Variants in CADM2 observed in about 807,000 individuals in gnomAD.
CADM2 encodes immunoglobulin superfamily member 4D.
In CADM2, 12 loss-of-function variants were observed where a neutral mutation model predicts 49.8. The ratio of observed to expected loss-of-function variants is 0.24; its 90% CI spans 0.15 to 0.39. The LOEUF (loss-of-function observed/expected upper bound fraction) is 0.39. Ranked by LOEUF, CADM2 falls within the 10% of genes least tolerant of loss-of-function variation. The pLI is 1.00. For synonymous variants in CADM2, 214 were observed against 175.4 expected (o/e 1.22, Z -1.74); for missense variants, 378 against 492.3 (o/e 0.77, Z 2.20).
chr3:85,736,240 T>C (rs1042391686), intron 2 of CADM2, among the ~76,000 whole-genome samples: 5 of 152,202 alleles, frequency 3.3e-5, no homozygotes, highest in Non-Finnish European at 7.3e-5. Flanking sequence ...TACAAATGGA[T>C]TTAGCAATGT....
chr3:85,229,592 C>A (rs1009876024), intron 1 of CADM2, among the ~76,000 whole-genome samples: 7 of 152,070 alleles, frequency 4.6e-5, no homozygotes, highest in African/African-American at 1.4e-4. Context: ...TCTTGCTGGA[C>A]CCTGACAAAT....
intron 1 of CADM2, among the ~76,000 whole-genome samples, chr3:84,994,689 T>C (rs2033078964): frequency 6.6e-6 from 1 of 152,186 alleles, no homozygotes; most frequent in South Asian, 2.1e-4. Context: ...TTAAAAAGTT[T>C]ATTATATTTT....
chr3:85,563,504 G>A (rs1261502073), intron 1 of CADM2, among the ~76,000 whole-genome samples: 1 of 151,746 alleles, frequency 6.6e-6, no homozygotes, highest in East Asian at 1.9e-4. Context: ...TCAATATTAT[G>A]GGAATTACTA....
chr3:85,067,941 C>T (rs554187492), intron 1 of CADM2, among the ~76,000 whole-genome samples: 157 of 152,224 alleles, frequency 1.0e-3, no homozygotes, highest in South Asian at 6.2e-4. Flanking sequence ...ACCAAATGTC[C>T]TCTTGAGAAT....
intron 1 of CADM2, among the ~76,000 whole-genome samples, chr3:85,668,370 G>A (rs1250114615): frequency 4.6e-5 from 7 of 150,588 alleles, no homozygotes; most frequent in African/African-American, 1.7e-4. Flanking sequence ...TCTAGTGTTT[G>A]GAAATAATAA....
chr3:86,014,210 AT>A (rs957047353), intron 8 of CADM2: 1 of 1,294,778 alleles, frequency 7.7e-7, no homozygotes, highest in Admixed American at 2.4e-5. Flanking sequence ...CAAATATTAG[AT>A]GGAGTAACTG....
At position 85,383,276 on chromosome 3, in the gene CADM2, T is replaced by C. The variant is rs530661693; in HGVS notation, c.62-343246T>C. ...GACTGCCTGATTCGTGAATTGTTTTTCTTGTTTGTTTTTTGTTTGTCTTGC... is the reference window on the plus strand; with the variant it reads ...GACTGCCTGATTCGTGAATTGTTTTCCTTGTTTGTTTTTTGTTTGTCTTGC... On this transcript the variant is annotated intron_variant, in intron 1 of 9. Coordinates refer to ENST00000383699, the MANE Select transcript of CADM2 (RefSeq NM_001167675.2). Among the ~76,000 whole-genome samples, 132 of 152,226 alleles carry C rather than the reference T, an allele frequency of 8.7e-4. No homozygotes were observed. The Middle Eastern group carries it at 0.014, about 16-fold the overall frequency.
intron 1 of CADM2, among the ~76,000 whole-genome samples, chr3:85,001,721 C>T (rs1363236062): frequency 1.3e-5 from 2 of 151,944 alleles, no homozygotes; most frequent in Non-Finnish European, 1.5e-5. Context: ...GTTGTTGATA[C>T]TCATAGTTTT....
At chr3:85,858,308 A>T (rs979520700) in intron 3 of CADM2, among the ~76,000 whole-genome samples, 1 of 152,236 alleles carries the variant, frequency 6.6e-6, no homozygotes, top group Non-Finnish European at 1.5e-5. Flanking sequence ...AACTTTGTTT[A>T]TCCGATTATA....
intron 1 of CADM2, among the ~76,000 whole-genome samples, chr3:85,181,319 T>C (rs1665186255): frequency 6.6e-6 from 1 of 152,116 alleles, no homozygotes; most frequent in Non-Finnish European, 1.5e-5. Context: ...ATTTAGTTAA[T>C]CAATAAAATG....
At chr3:85,343,656 A>T (rs1163995454) in intron 1 of CADM2, among the ~76,000 whole-genome samples, 1 of 152,204 alleles carries the variant, frequency 6.6e-6, no homozygotes, top group African/African-American at 2.4e-5. Context: ...AGGTTTGAAT[A>T]GTGTAAGAAA....
chr3:85,468,135 CAG>C (rs1255504220), intron 1 of CADM2, among the ~76,000 whole-genome samples: 1 of 115,046 alleles, frequency 8.7e-6, no homozygotes, highest in Admixed American at 1.3e-4. Flanking sequence ...GCCTGGGCGA[CAG>C]AGCGAGACTC....
At chr3:84,994,756 T>C (rs2033083281) in intron 1 of CADM2, among the ~76,000 whole-genome samples, 1 of 152,094 alleles carries the variant, frequency 6.6e-6, no homozygotes, top group Admixed American at 6.6e-5. Flanking sequence ...CGGCTGGGCG[T>C]GGTGCCTCAT....
chr3:85,916,576 G>T (rs1296598574), intron 6 of CADM2, among the ~76,000 whole-genome samples: 2 of 151,868 alleles, frequency 1.3e-5, no homozygotes, highest in Non-Finnish European at 2.9e-5. Context: ...TATCATTGTT[G>T]GACATTTGGG....
intron 1 of CADM2, among the ~76,000 whole-genome samples, chr3:85,201,703 T>C (rs2041506173): frequency 6.6e-6 from 1 of 152,180 alleles, no homozygotes; most frequent in African/African-American, 2.4e-5. Flanking sequence ...TTCTAAAATT[T>C]TGTTGTCATT....
rs374422903 is a variant in CADM2, at chr3:85,939,597, A to G, written c.791+3740A>G. Among the ~76,000 whole-genome samples, 8 of 151,936 alleles carry G rather than the reference A, an allele frequency of 5.3e-5. No individual in the cohort carries two copies. The East Asian group carries it at 1.6e-3, about 30-fold the overall frequency. On this transcript the variant is annotated intron_variant, in intron 7 of 9. Transcript: ENST00000383699. ...AAATAATGAGTCATCATTCATTTTAATCGAATGTGTAAGGCTGTTTAAATT... is the reference window on the plus strand; with the variant it reads ...AAATAATGAGTCATCATTCATTTTAGTCGAATGTGTAAGGCTGTTTAAATT...
At chr3:85,531,949 G>A (rs11923525) in intron 1 of CADM2, among the ~76,000 whole-genome samples, 79,966 of 151,540 alleles carry the variant, frequency 0.53, 23,468 homozygotes, top group East Asian at 0.85. Context: ...AGGCCAAGGC[G>A]GGCAGTTCAC....
chr3:85,701,323 C>T (rs1020273578), intron 1 of CADM2, among the ~76,000 whole-genome samples: 3 of 152,152 alleles, frequency 2.0e-5, no homozygotes, highest in African/African-American at 7.2e-5. Flanking sequence ...TACATTACAA[C>T]ATGAGATTTG....
chr3:86,026,453 G>T (rs1395304537), intron 8 of CADM2, among the ~76,000 whole-genome samples: 1 of 151,446 alleles, frequency 6.6e-6, no homozygotes, highest in Non-Finnish European at 1.5e-5. Flanking sequence ...TTGTAGCATT[G>T]GTAGATGAAA....
Sources: allele counts gnomAD v4.1 joint callset (sites outside exome capture counted in the v4.1 genomes callset), GRCh38; gene constraint gnomAD v4.1.1; transcripts MANE v1.5; gene names NCBI Gene and HGNC (gene_info 2026-07-23, HGNC 2026-07-21).